SLC22A23: variants seen among roughly 807,000 people sequenced by gnomAD.
SLC22A23 encodes solute carrier family 22 member 23, also known as ion transporter protein.
A neutral mutation model predicts 61.0 loss-of-function variants in SLC22A23; 26 were observed. The observed-to-expected ratio is 0.43, with a 90% CI of 0.31 to 0.59. SLC22A23 has a LOEUF of 0.59. Ranked by LOEUF, SLC22A23 falls within the 20% of genes least tolerant of loss-of-function variation. The pLI is 0.11. For missense variants in SLC22A23, 796 were observed against 934.7 expected (o/e 0.85, Z 1.94); for synonymous variants, 430 against 413.9 (o/e 1.04, Z -0.47).
chr6:3,301,779 T>C (rs1318780878), intron 4 of SLC22A23, among the ~76,000 whole-genome samples: 1 of 152,250 alleles, frequency 6.6e-6, no homozygotes, highest in Non-Finnish European at 1.5e-5. Flanking sequence ...GTCCTGTTCC[T>C]TGATTTATCC....
At position 3,328,677 on chromosome 6, in the gene SLC22A23, C is replaced by A. The variant is rs1015987025; in HGVS notation, c.914-4675G>T. The stretch of plus-strand genomic sequence containing the variant: ...GTGGACGGCAGTGCCCGCCCCCATG[C>A]CCTGGAGTCCTGATGGCTGGCCCTC... On this transcript the variant is annotated intron_variant, in intron 3 of 9. Coordinates refer to ENST00000406686, the MANE Select transcript of SLC22A23 (RefSeq NM_015482.2). The surrounding 1 kb of genome is among the most constrained non-coding windows in gnomAD (Gnocchi z 5.0). 1.3e-5 allele frequency among the ~76,000 whole-genome samples: 2 copies of A among 152,166 alleles called. No homozygotes were observed. The highest frequency in any genetic ancestry group is 2.9e-5 in the Non-Finnish European group (2 of 68,028).
At position 3,372,355 on chromosome 6, in the gene SLC22A23, G is replaced by A. The variant is rs1014077573; in HGVS notation, c.913+37833C>T. ...GTGGAATAAAAGTGGCAAGATGCAC[G>A]AAGGTCTAAGCCTGCAGGCTCCTCC... On this transcript the variant is annotated intron_variant, in intron 3 of 9. Coordinates refer to ENST00000406686, the MANE Select transcript of SLC22A23 (RefSeq NM_015482.2). This position sits in a 1 kb window ranked among gnomAD's most constrained non-coding sequence, Gnocchi z 4.7. 3.3e-5 allele frequency among the ~76,000 whole-genome samples: 5 copies of A among 152,378 alleles called. No homozygotes were observed. The East Asian group carries it at 5.8e-4, about 18-fold the overall frequency.
At chr6:3,352,901 G>A (rs911694807) in intron 3 of SLC22A23, among the ~76,000 whole-genome samples, 3 of 152,070 alleles carry the variant, frequency 2.0e-5, no homozygotes, top group Non-Finnish European at 2.9e-5. Context: ...AAGATCAGTC[G>A]CCCCCGTGAC....
chr6:3,353,131 C>A (rs951470164), intron 3 of SLC22A23, among the ~76,000 whole-genome samples: 1 of 152,226 alleles, frequency 6.6e-6, no homozygotes, highest in African/African-American at 2.4e-5. Context: ...TCTAAAATTA[C>A]ATGTAAGTAT....
rs1056408331 is a variant in SLC22A23, at chr6:3,269,688, T to A, written c.*3367A>T. On this transcript the variant is annotated 3_prime_UTR_variant, in exon 10 of 10. Transcript: ENST00000406686. ...GGAGGGAAGTGTTCGCCGCTAGACA[T>A]GACACACCATACTGCTTTTCCAAAA... 5.2e-5 allele frequency: 8 copies of A among 152,798 alleles called. No individual in the cohort carries two copies. Among genetic ancestry groups the A allele is most frequent in the African/African-American group, 1.9e-4 (8 of 41,454 alleles). The allele number at this position is 152,798 out of a possible 1,614,324, so 9.5% of individuals were successfully genotyped here. A position where few individuals can be genotyped will look rare whatever the true frequency, so the allele number is the denominator to read the frequency against.
intron 1 of SLC22A23, among the ~76,000 whole-genome samples, chr6:3,452,989 T>A (rs1435729861): frequency 6.6e-6 from 1 of 152,168 alleles, no homozygotes; most frequent in African/African-American, 2.4e-5. Flanking sequence ...GAAGCAGAAG[T>A]ATGTCATGTC....
chr6:3,296,003 A>C (rs917204945), intron 5 of SLC22A23, among the ~76,000 whole-genome samples: 3 of 152,266 alleles, frequency 2.0e-5, no homozygotes, highest in African/African-American at 7.2e-5. Context: ...ACCACTTTCC[A>C]AATATAGGAG....
In SLC22A23 at chr6:3,360,369, C is replaced by A. The variant is rs939992276; in HGVS notation, c.914-36367G>T. Among the ~76,000 whole-genome samples the A allele has an allele frequency of 2.6e-5, 4 of 152,134 alleles. No individual in the cohort carries two copies. Among genetic ancestry groups the A allele is most frequent in the African/African-American group, 9.7e-5 (4 of 41,416 alleles). On this transcript the variant is annotated intron_variant, in intron 3 of 9. Transcript: ENST00000406686. This position sits in a 1 kb window ranked among gnomAD's most constrained non-coding sequence, Gnocchi z 4.6. ...TTTGAGAGCTCTGACCTCAGCTGTGCCCCGCCCACCCATCCACCCAAGGAT... is the reference window on the plus strand; with the variant it reads ...TTTGAGAGCTCTGACCTCAGCTGTGACCCGCCCACCCATCCACCCAAGGAT...
chr6:3,349,432 C>T (rs1257917595), intron 3 of SLC22A23, among the ~76,000 whole-genome samples: 1 of 152,200 alleles, frequency 6.6e-6, no homozygotes, highest in African/African-American at 2.4e-5. Context: ...CCGAGGCAAG[C>T]CCTGTGGCCC....
intron 1 of SLC22A23, chr6:3,444,875 A>C: frequency 1.0e-6 from 1 of 985,584 alleles, no homozygotes; most frequent in South Asian, 4.7e-5. Flanking sequence ...GGCAGCGCCC[A>C]AGGAATAAAT....
intron 3 of SLC22A23, among the ~76,000 whole-genome samples, chr6:3,379,463 C>T (rs1394746078): frequency 6.6e-6 from 1 of 152,128 alleles, no homozygotes; most frequent in African/African-American, 2.4e-5. Flanking sequence ...TATCGAACAC[C>T]ATGCAGCAAA....
rs995778309 is a variant in SLC22A23 at position 3,342,461 on chromosome 6, C to T, written c.914-18459G>A. Among the ~76,000 whole-genome samples the T allele has an allele frequency of 2.0e-5, 3 of 152,150 alleles. No homozygotes were observed. Among genetic ancestry groups the T allele is most frequent in the African/African-American group, 4.8e-5 (2 of 41,416 alleles). On this transcript the variant is annotated intron_variant, in intron 3 of 9. Transcript: ENST00000406686. This position sits in a 1 kb window ranked among gnomAD's most constrained non-coding sequence, Gnocchi z 4.0. ...CTCACCTCCTTTGAAACACACACACCTCTTTCTCTCTCCCAGTCTGCAGAG... is the reference window on the plus strand; with the variant it reads ...CTCACCTCCTTTGAAACACACACACTTCTTTCTCTCTCCCAGTCTGCAGAG...
intron 3 of SLC22A23, among the ~76,000 whole-genome samples, chr6:3,409,310 A>C (rs1324930608): frequency 6.6e-6 from 1 of 152,228 alleles, no homozygotes; most frequent in Non-Finnish European, 1.5e-5. Context: ...TATGTCCTGA[A>C]TGGATTATAT....
rs949041213 is a variant in SLC22A23 at position 3,317,710 on chromosome 6, C to T, written c.1082+6124G>A. Among the ~76,000 whole-genome samples the T allele has an allele frequency of 1.3e-5, 2 of 152,178 alleles. No individual in the cohort carries two copies. The highest frequency in any genetic ancestry group is 1.9e-4 in the East Asian group (1 of 5,184). On this transcript the variant is annotated intron_variant, in intron 4 of 9. Coordinates refer to ENST00000406686, the MANE Select transcript of SLC22A23 (RefSeq NM_015482.2). The surrounding 1 kb of genome is among the most constrained non-coding windows in gnomAD (Gnocchi z 4.4). The stretch of plus-strand genomic sequence containing the variant: ...TGCGTCCATCAGTGCAATCACCCAG[C>T]GCTTTGACGGCGTCTACTTTCAGGT...
chr6:3,383,092 A>G (rs940712170), intron 3 of SLC22A23, among the ~76,000 whole-genome samples: 3 of 152,184 alleles, frequency 2.0e-5, no homozygotes, highest in African/African-American at 4.8e-5. Flanking sequence ...TATAAAAGCA[A>G]TGACAGCCCA....
chr6:3,395,580 C>T (rs970560539), intron 3 of SLC22A23, among the ~76,000 whole-genome samples: 11 of 152,172 alleles, frequency 7.2e-5, no homozygotes, highest in African/African-American at 2.2e-4. Flanking sequence ...GATAGAGTAG[C>T]GCAGCCATCA....
intron 6 of SLC22A23, 98 bp downstream of exon 6, chr6:3,289,666 G>T: frequency 3.1e-6 from 3 of 955,672 alleles, no homozygotes; most frequent in Non-Finnish European, 4.8e-6. Flanking sequence ...AGGATTCCAA[G>T]TTCAGCGGGG....
intron 6 of SLC22A23, among the ~76,000 whole-genome samples, chr6:3,288,739 G>A (rs1033094135): frequency 6.6e-6 from 1 of 152,252 alleles, no homozygotes; most frequent in Non-Finnish European, 1.5e-5. Context: ...AGCTCACCCA[G>A]CATCTACCTG....
chr6:3,446,764 G>A (rs951038700), intron 1 of SLC22A23, among the ~76,000 whole-genome samples: 3 of 152,160 alleles, frequency 2.0e-5, no homozygotes, highest in Non-Finnish European at 4.4e-5. Context: ...CCTATGGGTG[G>A]CTACAGAGCC....
Sources: allele counts gnomAD v4.1 joint callset (sites outside exome capture counted in the v4.1 genomes callset), GRCh38; gene constraint gnomAD v4.1.1; non-coding constraint Gnocchi (gnomAD v3.1); transcripts MANE v1.5; gene names NCBI Gene and HGNC (gene_info 2026-07-23, HGNC 2026-07-21).